UBR2: variants seen among roughly 807,000 people sequenced by gnomAD.
UBR2 encodes the protein E3 ubiquitin-protein ligase UBR2.
A neutral mutation model predicts 247.9 loss-of-function variants in UBR2; 92 were observed. The ratio of observed to expected loss-of-function variants is 0.37; its 90% confidence interval spans 0.31 to 0.44. UBR2 has a LOEUF of 0.44. UBR2 is among the 20% of genes least tolerant of loss of function. The pLI is 1.00. For missense variants in UBR2, 1,613 were observed against 2,112.6 expected (o/e 0.76, Z 4.64); for synonymous variants, 672 against 693.5 (o/e 0.97, Z 0.49).
rs1161068427 is a variant in UBR2 at position 42,667,587 on chromosome 6, C to CTTTTTTTTTTT, written c.3881+1356_3881+1366dup. Among the ~76,000 whole-genome samples the CTTTTTTTTTTT allele has an allele frequency of 1.3e-3, 60 of 47,430 alleles. 1 individual carries two copies. The highest frequency in any genetic ancestry group is 2.9e-3 in the South Asian group (2 of 696). 31.1% of individuals were successfully genotyped at this position (47,430 alleles called of 152,430 possible). On this transcript the variant is annotated intron_variant, in intron 34 of 46. Transcript: ENST00000372901. Reference sequence around the variant, plus strand: ...TATTTCCTTTCTTGTACAGTTTTGTCTTTTTTTTTTTTTTTTTTTTTTTTG... The same window carrying CTTTTTTTTTTT: ...TATTTCCTTTCTTGTACAGTTTTGTCTTTTTTTTTTTTTTTTTTTTTTTTTTTTTTTTTTTG...
At chr6:42,616,123 T>G in intron 10 of UBR2, 33 bp downstream of exon 10, 1 of 1,477,628 alleles carries the variant, frequency 6.8e-7, no homozygotes, top group South Asian at 1.2e-5. Context: ...AAATAGGTTA[T>G]ATATAGAGTA....
chr6:42,582,535 C>G (rs1197947070), intron 2 of UBR2, among the ~76,000 whole-genome samples: 1 of 151,972 alleles, frequency 6.6e-6, no homozygotes, highest in African/African-American at 2.4e-5. Context: ...ACTGCTAAAC[C>G]TTTTTTCCAA....
rs1290862858 is a variant in UBR2 at position 42,648,289 on chromosome 6, C to A, written c.2462+119C>A. ...GTTGCAGCTTTCAGAGATTGACAGA[C>A]ATTTTCAAATTATAGCTCTGAATTA... On this transcript the variant is annotated intron_variant, in intron 22 of 46. Transcript: ENST00000372901. 11 of 819,126 alleles carry A rather than the reference C, an allele frequency of 1.3e-5. 1 individual carries two copies. In the Admixed American group the frequency reaches 2.2e-4, roughly 17 times the overall value. 50.7% of individuals were successfully genotyped at this position (819,126 alleles called of 1,614,324 possible).
intron 11 of UBR2, among the ~76,000 whole-genome samples, chr6:42,618,090 TA>T (rs1794673135): frequency 6.6e-6 from 1 of 152,216 alleles, no homozygotes; most frequent in South Asian, 2.1e-4. Flanking sequence ...TTTGAGAATG[TA>T]ACAGTAAACA....
chr6:42,594,441 T>G (rs1792846935), intron 4 of UBR2, 137 bp downstream of exon 4: 1 of 656,900 alleles, frequency 1.5e-6, no homozygotes. Flanking sequence ...GAAAGTTCTT[T>G]GCATTTTGTG....
At chr6:42,667,587 C>CTTTTTTTTTTTTTTTTTTTTTT (rs1161068427) in intron 34 of UBR2, among the ~76,000 whole-genome samples, 11 of 47,430 alleles carry the variant, frequency 2.3e-4, no homozygotes, top group African/African-American at 2.7e-4. Flanking sequence ...ACAGTTTTGT[C>CTTTTTTTTTTTTTTTTTTTTTT]TTTTTTTTTT....
intron 41 of UBR2, among the ~76,000 whole-genome samples, chr6:42,679,354 C>T (rs1000471056): frequency 7.2e-5 from 11 of 152,232 alleles, no homozygotes; most frequent in Non-Finnish European, 8.8e-5. Context: ...ATCTGTGTCT[C>T]GTGGTAAAAC....
At chr6:42,634,392 TAAG>T in intron 13 of UBR2, 1 of 207,538 alleles carries the variant, frequency 4.8e-6, no homozygotes, top group South Asian at 5.7e-5. Context: ...CTGGCTTTCT[TAAG>T]AAAAGGAATG....
At chr6:42,634,183 C>T in intron 13 of UBR2, 1 of 216,450 alleles carries the variant, frequency 4.6e-6, no homozygotes, top group South Asian at 4.9e-5. Context: ...TTCTTTTTCT[C>T]TCCTTCATGT....
rs750752431 is a variant in UBR2 at position 42,684,783 on chromosome 6, CT to C, written c.4776-4del. 43 of 1,598,330 alleles carry C rather than the reference CT, an allele frequency of 2.7e-5. No individual in the cohort carries two copies. In the African/African-American group the frequency reaches 5.5e-4, roughly 21 times the overall value. On this transcript the variant is annotated splice_polypyrimidine_tract_variant and intron_variant, in intron 43 of 46. Coordinates refer to ENST00000372901, the MANE Select transcript of UBR2 (RefSeq NM_001363705.2). ...TAATGGAGTGTTCTTTAATTTTTCT[CT>C]TTTTTTCAGATATCCAAGAGAATCT...
chr6:42,651,280 A>G (rs989961860), intron 23 of UBR2, among the ~76,000 whole-genome samples: 2 of 152,006 alleles, frequency 1.3e-5, no homozygotes, highest in Non-Finnish European at 2.9e-5. Context: ...TTTTTCAATA[A>G]ACAGCATTAA....
chr6:42,607,648 GGGA>G (rs60338531), intron 7 of UBR2, among the ~76,000 whole-genome samples: 75,592 of 135,532 alleles, frequency 0.56, 23,903 homozygotes, highest in African/African-American at 0.62. Context: ...TTGAGTAGCT[GGGA>G]GGACAGGCAT....
In UBR2 at chr6:42,632,853, G is replaced by C. The variant is rs749985901; in HGVS notation, c.1494G>C (p.Gln498His). 47 of 1,604,148 alleles carry C rather than the reference G, an allele frequency of 2.9e-5. No individual in the cohort carries two copies. The Middle Eastern group carries it at 1.2e-3, about 40-fold the overall frequency. The change falls in exon 13 of 47, where the codon CAG becomes CAC. Residue 498 changes from glutamine to histidine, a missense_variant. This residue lies in a region of UBR2 where 1,524 missense variants were observed against 1,967.3 expected (regional missense o/e 0.77). Coordinates refer to ENST00000372901, the MANE Select transcript of UBR2 (RefSeq NM_001363705.2). ...KPTEWSDELR[Q>H]KFLEGFDAFL... ...CTGAATGGTCAGATGAGCTGAGGCAGAAGTTCCTAGAAGGGTTTGATGCCT... is the reference window on the plus strand; with the variant it reads ...CTGAATGGTCAGATGAGCTGAGGCACAAGTTCCTAGAAGGGTTTGATGCCT...
chr6:42,688,703 G>A (rs111710498), intron 45 of UBR2, among the ~76,000 whole-genome samples: 206 of 152,260 alleles, frequency 1.4e-3, no homozygotes, highest in Admixed American at 2.7e-3. Context: ...TACTCTTTCT[G>A]TTATGTCCTC....
chr6:42,618,807 G>A (rs1186251189), intron 11 of UBR2, among the ~76,000 whole-genome samples: 1 of 152,194 alleles, frequency 6.6e-6, no homozygotes, highest in Non-Finnish European at 1.5e-5. Flanking sequence ...TTTAGGTGGT[G>A]AAATCTACAG....
chr6:42,651,671 A>G (rs919220533), intron 23 of UBR2, among the ~76,000 whole-genome samples: 4 of 151,894 alleles, frequency 2.6e-5, no homozygotes, highest in African/African-American at 7.3e-5. Flanking sequence ...TTGTATTTTT[A>G]GTAGAGATGG....
At chr6:42,631,862 A>T (rs7753258) in intron 11 of UBR2, among the ~76,000 whole-genome samples, 11 of 29,832 alleles carry the variant, frequency 3.7e-4, no homozygotes, top group Non-Finnish European at 4.8e-4. Context: ...CTCTGATTTT[A>T]TATATATATA....
chr6:42,610,484 A>G (rs1793997361), intron 7 of UBR2, among the ~76,000 whole-genome samples: 2 of 152,354 alleles, frequency 1.3e-5, no homozygotes, highest in South Asian at 4.1e-4. Context: ...TATACATGCA[A>G]TGGTACATTA....
At chr6:42,589,731 C>T (rs183464924) in intron 2 of UBR2, among the ~76,000 whole-genome samples, 1 of 152,110 alleles carries the variant, frequency 6.6e-6, no homozygotes, top group Non-Finnish European at 1.5e-5. Context: ...GGATATTTTT[C>T]CTGAATATTG....
Sources: gnomAD v4.1 joint callset for allele counts (sites outside exome capture counted in the v4.1 genomes callset) on GRCh38, gnomAD v4.1.1 for gene constraint, gnomAD v4.1.1 regional missense constraint, MANE v1.5 for transcripts, NCBI Gene and HGNC (gene_info 2026-07-23, HGNC 2026-07-21) for gene names.